SHC4: variants seen among roughly 807,000 people sequenced by gnomAD.
The protein encoded by SHC4 is SHC adaptor protein 4.
SHC4 carries 41 observed loss-of-function variants against 69.4 expected under a neutral mutation model. The ratio of observed to expected loss-of-function variants is 0.59; its 90% CI spans 0.46 to 0.77. The LOEUF (loss-of-function observed/expected upper bound fraction) is 0.77. SHC4 is among the 30% of genes least tolerant of loss of function. The probability of loss-of-function intolerance (pLI) is 0.00; values close to 1 mark genes in which losing one functional copy is unlikely to be tolerated. For missense variants in SHC4, 777 were observed against 783.8 expected (o/e 0.99, Z 0.10); for synonymous variants, 318 against 299.3 (o/e 1.06, Z -0.64).
At chr15:48,908,948 T>A (rs1380385748) in intron 2 of SHC4, among the ~76,000 whole-genome samples, 21 of 152,228 alleles carry the variant, frequency 1.4e-4, no homozygotes, top group Non-Finnish European at 2.9e-5. Context: ...TTGGTGACTA[T>A]GGCACTATAG....
intron 7 of SHC4, 135 bp downstream of exon 7, chr15:48,857,557 G>GA (rs1398875901): frequency 1.3e-6 from 1 of 788,502 alleles, no homozygotes; most frequent in Non-Finnish European, 1.7e-6. Flanking sequence ...CTATTTGCAA[G>GA]AAAAAAATTA....
chr15:48,870,858 G>A (rs1899660851), intron 5 of SHC4, among the ~76,000 whole-genome samples: 1 of 152,192 alleles, frequency 6.6e-6, no homozygotes. Flanking sequence ...TGCTTTAGAT[G>A]CCAGTAAATG....
chr15:48,857,622 A>G, intron 7 of SHC4, 70 bp downstream of exon 7: 2 of 1,322,298 alleles, frequency 1.5e-6, no homozygotes. Context: ...ATACACACAC[A>G]AATAAATACA....
chr15:48,840,571 G>C (rs1169354896), intron 10 of SHC4, among the ~76,000 whole-genome samples: 1 of 152,078 alleles, frequency 6.6e-6, no homozygotes, highest in African/African-American at 2.4e-5. Flanking sequence ...GAAGAAAATA[G>C]AAGGATCCAT....
intron 1 of SHC4, among the ~76,000 whole-genome samples, chr15:48,960,132 C>A (rs1901518640): frequency 6.6e-6 from 1 of 152,216 alleles, no homozygotes; most frequent in Admixed American, 6.5e-5. Flanking sequence ...AGCACTTTTT[C>A]TGGAGTCAGT....
intron 8 of SHC4, among the ~76,000 whole-genome samples, chr15:48,851,599 A>G (rs1899215866): frequency 6.6e-6 from 1 of 152,200 alleles, no homozygotes; most frequent in Admixed American, 6.5e-5. Flanking sequence ...AACATTGGCC[A>G]TGTAGCCAAC....
intron 2 of SHC4, among the ~76,000 whole-genome samples, chr15:48,915,885 G>A (rs114189934): frequency 0.014 from 2,130 of 152,152 alleles, 46 homozygotes; most frequent in African/African-American, 0.049. Context: ...ATGTTCCCTT[G>A]TCTGCTAAAT....
In SHC4 at chr15:48,924,535, G is replaced by C. The variant is rs983371616; in HGVS notation, c.656+344C>G. On this transcript the variant is annotated intron_variant, in intron 2 of 11. Transcript: ENST00000332408. ...CTTTCTCATGTTGAAAGTCTTACTT[G>C]GTCTTATTTTCTGCTACTTCCTTGA... Among the ~76,000 whole-genome samples, 10 of 152,126 alleles carry C rather than the reference G, an allele frequency of 6.6e-5. 1 individual carries two copies. Among genetic ancestry groups the C allele is most frequent in the Non-Finnish European group, 1.5e-5 (1 of 68,038 alleles).
intron 2 of SHC4, among the ~76,000 whole-genome samples, chr15:48,914,240 T>C (rs1429551734): frequency 3.3e-5 from 5 of 152,220 alleles, no homozygotes; most frequent in Admixed American, 3.3e-4. Context: ...ACAAGAACTG[T>C]TTCTTAGTTT....
At chr15:48,952,773 G>GC (rs1901386592) in intron 1 of SHC4, among the ~76,000 whole-genome samples, 2 of 152,164 alleles carry the variant, frequency 1.3e-5, no homozygotes, top group South Asian at 4.1e-4. Flanking sequence ...AATAACAGAT[G>GC]CTGGTGAGAT....
At chr15:48,869,552 T>A (rs921074609) in intron 5 of SHC4, among the ~76,000 whole-genome samples, 1 of 152,206 alleles carries the variant, frequency 6.6e-6, no homozygotes, top group African/African-American at 2.4e-5. Context: ...ACACTAACCA[T>A]GTATCATTTC....
intron 11 of SHC4, among the ~76,000 whole-genome samples, chr15:48,832,250 C>G (rs990642204): frequency 6.6e-5 from 10 of 151,792 alleles, no homozygotes; most frequent in Non-Finnish European, 1.5e-4. Context: ...CCAGCCTGGG[C>G]GACAAGAGTG....
chr15:48,890,926 C>G, intron 2 of SHC4, 115 bp from the exon 3 acceptor site: 3 of 1,085,514 alleles, frequency 2.8e-6, no homozygotes, highest in Non-Finnish European at 4.2e-6. Flanking sequence ...AATAGTGAGT[C>G]TAACACAAAT....
chr15:48,910,131 T>A (rs547811501), intron 2 of SHC4, among the ~76,000 whole-genome samples: 21 of 152,262 alleles, frequency 1.4e-4, no homozygotes, highest in Non-Finnish European at 3.1e-4. Flanking sequence ...AAAGGATTGG[T>A]ACCAACTCTT....
intron 5 of SHC4, among the ~76,000 whole-genome samples, chr15:48,870,314 T>C (rs1899645152): frequency 6.6e-6 from 1 of 152,168 alleles, no homozygotes; most frequent in African/African-American, 2.4e-5. Context: ...AGAGTCCAGA[T>C]AGGCTCTTGG....
intron 2 of SHC4, among the ~76,000 whole-genome samples, chr15:48,911,684 A>G (rs1363637047): frequency 6.6e-6 from 1 of 152,074 alleles, no homozygotes; most frequent in East Asian, 1.9e-4. Flanking sequence ...TTTTTGTTTT[A>G]TAGGTCCTGT....
chr15:48,867,994 G>C (rs1899596376), intron 5 of SHC4, 125 bp from the exon 6 acceptor site: 2 of 715,696 alleles, frequency 2.8e-6, no homozygotes, highest in Admixed American at 2.8e-5. Flanking sequence ...AAAGAGACAA[G>C]AAAAGCATTG....
At chr15:48,874,718 A>G (rs1317458877) in intron 4 of SHC4, among the ~76,000 whole-genome samples, 1 of 152,166 alleles carries the variant, frequency 6.6e-6, no homozygotes, top group African/African-American at 2.4e-5. Context: ...TAATAAATCA[A>G]TTGCTTGCAG....
intron 5 of SHC4, among the ~76,000 whole-genome samples, chr15:48,869,184 A>T (rs969156182): frequency 5.9e-5 from 9 of 152,260 alleles, no homozygotes; most frequent in African/African-American, 1.9e-4. Flanking sequence ...AATTTTTGAC[A>T]TACTCACAAT....
Sources: allele counts gnomAD v4.1 joint callset (sites outside exome capture counted in the v4.1 genomes callset), GRCh38; gene constraint gnomAD v4.1.1; transcripts MANE v1.5; gene names NCBI Gene and HGNC (gene_info 2026-07-23, HGNC 2026-07-21).